GRIK4: variants seen among roughly 807,000 people sequenced by gnomAD.
GRIK4 encodes glutamate ionotropic receptor kainate type subunit 4, also known as glutamate receptor ionotropic, kainate 4.
A neutral mutation model predicts 104.9 loss-of-function variants in GRIK4; 40 were observed. That is an observed-to-expected ratio of 0.38 (90% CI 0.30 to 0.50). GRIK4 has a LOEUF of 0.50. Ranked by LOEUF, GRIK4 falls within the 20% of genes least tolerant of loss-of-function variation. GRIK4 has a pLI of 0.93. For missense variants in GRIK4, 1,047 were observed against 1,308.1 expected (o/e 0.80, Z 3.08); for synonymous variants, 485 against 524.9 (o/e 0.92, Z 1.04).
intron 3 of GRIK4, among the ~76,000 whole-genome samples, chr11:120,764,366 C>T (rs1031595658): frequency 2.0e-5 from 3 of 152,170 alleles, no homozygotes; most frequent in Non-Finnish European, 2.9e-5. Context: ...CTCCTGAATA[C>T]AGCACACCGA....
chr11:120,965,000 A>G lies in GRIK4; in HGVS notation c.2267-2195A>G, dbSNP rs181366915. On this transcript the variant is annotated intron_variant, in intron 18 of 20. Coordinates refer to ENST00000527524, the MANE Select transcript of GRIK4 (RefSeq NM_014619.5). Reference sequence around the variant, plus strand: ...CTACTCTGAGCTAGCCCAGCTTCCCACATGAGGCTGGAAAGAACATTACAC... The same window carrying G: ...CTACTCTGAGCTAGCCCAGCTTCCCGCATGAGGCTGGAAAGAACATTACAC... Among the ~76,000 whole-genome samples, 377 of 152,330 alleles carry G rather than the reference A, an allele frequency of 2.5e-3. 1 individual carries two copies. Among genetic ancestry groups the G allele is most frequent in the Middle Eastern group, 0.017 (5 of 294 alleles).
intron 1 of GRIK4, among the ~76,000 whole-genome samples, chr11:120,623,399 CTGGGATTA>C (rs1949213797): frequency 6.6e-6 from 1 of 152,150 alleles, no homozygotes; most frequent in African/African-American, 2.4e-5. Flanking sequence ...TCCCAAAGTA[CTGGGATTA>C]CAGGTGTGAA....
chr11:120,684,708 T>C (rs2135294916), intron 3 of GRIK4, among the ~76,000 whole-genome samples: 2 of 146,146 alleles, frequency 1.4e-5, no homozygotes, highest in Non-Finnish European at 3.0e-5. Context: ...GAGGAGTAAA[T>C]AAAGATGCTT....
At chr11:120,636,197 T>C (rs117254950) in intron 1 of GRIK4, among the ~76,000 whole-genome samples, 2,097 of 152,338 alleles carry the variant, frequency 0.014, 122 homozygotes, top group Admixed American at 0.091. Flanking sequence ...TTGACTTTCA[T>C]GAATGGTGAT....
intron 1 of GRIK4, among the ~76,000 whole-genome samples, chr11:120,639,238 G>A (rs1949439746): frequency 6.6e-6 from 1 of 152,164 alleles, no homozygotes; most frequent in Non-Finnish European, 1.5e-5. Flanking sequence ...AGAGGTCAGT[G>A]TCTGGCCAGT....
At chr11:120,668,798 T>C (rs1370806998) in intron 3 of GRIK4, among the ~76,000 whole-genome samples, 2 of 151,288 alleles carry the variant, frequency 1.3e-5, no homozygotes, top group Non-Finnish European at 2.9e-5. Flanking sequence ...TTTACTAGTG[T>C]ATGACTTTGG....
chr11:120,719,227 A>G (rs1284214368), intron 3 of GRIK4, among the ~76,000 whole-genome samples: 1 of 152,198 alleles, frequency 6.6e-6, no homozygotes, highest in Non-Finnish European at 1.5e-5. Flanking sequence ...TGAGTCCTTC[A>G]TTAAAAATAA....
chr11:120,824,359 G>A (rs1953199635), intron 6 of GRIK4, among the ~76,000 whole-genome samples: 1 of 152,126 alleles, frequency 6.6e-6, no homozygotes, highest in African/African-American at 2.4e-5. Flanking sequence ...GCTACTGGGG[G>A]GCTTCCAAGG....
At chr11:120,619,717 G>A (rs759241235) in intron 1 of GRIK4, among the ~76,000 whole-genome samples, 131 of 152,120 alleles carry the variant, frequency 8.6e-4, no homozygotes, top group Non-Finnish European at 1.5e-3. Context: ...CTCTTGCTAT[G>A]GCCATGTGAA....
At chr11:120,930,010 G>A (rs956795856) in intron 13 of GRIK4, among the ~76,000 whole-genome samples, 1 of 152,206 alleles carries the variant, frequency 6.6e-6, no homozygotes, top group East Asian at 1.9e-4. Flanking sequence ...TTTGGGGGGG[G>A]GGTCCCCTCC....
At chr11:120,853,454 G>C (rs1177700263) in intron 8 of GRIK4, among the ~76,000 whole-genome samples, 2 of 152,192 alleles carry the variant, frequency 1.3e-5, no homozygotes, top group African/African-American at 2.4e-5. Context: ...GATCTGATTT[G>C]AGTTAGAGAT....
chr11:120,698,423 C>A (rs1198167353), intron 3 of GRIK4, among the ~76,000 whole-genome samples: 1 of 152,210 alleles, frequency 6.6e-6, no homozygotes, highest in African/African-American at 2.4e-5. Flanking sequence ...AGGTGAGTTA[C>A]CCTCTCTGAG....
intron 8 of GRIK4, among the ~76,000 whole-genome samples, chr11:120,848,946 G>A (rs1229591491): frequency 6.6e-6 from 1 of 152,132 alleles, no homozygotes; most frequent in Non-Finnish European, 1.5e-5. Flanking sequence ...AACTGAAGAA[G>A]CATTCAACAG....
chr11:120,864,619 C>T (rs1206435332), intron 9 of GRIK4, among the ~76,000 whole-genome samples: 3 of 152,256 alleles, frequency 2.0e-5, no homozygotes, highest in Non-Finnish European at 4.4e-5. Context: ...TCTTTCCCTT[C>T]AACCCAAGCC....
chr11:120,792,769 G>A (rs932379546), intron 3 of GRIK4, among the ~76,000 whole-genome samples: 1 of 152,130 alleles, frequency 6.6e-6, no homozygotes, highest in African/African-American at 2.4e-5. Flanking sequence ...TTTACTTTGG[G>A]TCTTCCTAAA....
chr11:120,776,876 A>G (rs1952053734), intron 3 of GRIK4, among the ~76,000 whole-genome samples: 2 of 152,202 alleles, frequency 1.3e-5, no homozygotes, highest in Non-Finnish European at 2.9e-5. Flanking sequence ...AAGAGACAAG[A>G]GAGAGAAGAG....
intron 13 of GRIK4, among the ~76,000 whole-genome samples, chr11:120,934,067 T>C (rs1034127548): frequency 3.4e-4 from 51 of 151,778 alleles, no homozygotes; most frequent in African/African-American, 1.1e-3. Context: ...TAGTCGGGCA[T>C]GGTGGCGGGC....
At chr11:120,846,825 A>G (rs1407548532) in intron 8 of GRIK4, among the ~76,000 whole-genome samples, 4 of 152,186 alleles carry the variant, frequency 2.6e-5, no homozygotes, top group Non-Finnish European at 4.4e-5. Flanking sequence ...GAACAACCAG[A>G]TGAATTCTCC....
At position 120,855,782 on chromosome 11, in the gene GRIK4, C is replaced by T. The variant is rs138509319; in HGVS notation, c.745-6177C>T. The stretch of plus-strand genomic sequence containing the variant: ...TTCACCATATTGGCCAGGCTGGTCC[C>T]GGACTCCTGACTCCAGGTAATGCCC... On this transcript the variant is annotated intron_variant, in intron 8 of 20. Coordinates refer to ENST00000527524, the MANE Select transcript of GRIK4 (RefSeq NM_014619.5). Among the ~76,000 whole-genome samples the T allele has an allele frequency of 7.4e-4, 112 of 152,326 alleles. No individual in the cohort carries two copies. The East Asian group carries it at 0.02, about 28-fold the overall frequency.
Sources: allele counts gnomAD v4.1 joint callset (sites outside exome capture counted in the v4.1 genomes callset), GRCh38; gene constraint gnomAD v4.1.1; transcripts MANE v1.5; gene names NCBI Gene and HGNC (gene_info 2026-07-23, HGNC 2026-07-21).